The following ESM1 variants were observed in gnomAD, a reference collection of about 807,000 sequenced individuals.
ESM1 encodes the protein endothelial cell specific molecule 1, also known as endothelial cell-specific molecule 1.
ESM1 carries 7 observed loss-of-function variants against 14.9 expected under a neutral mutation model. The ratio of observed to expected loss-of-function variants is 0.47; its 90% CI spans 0.27 to 0.88. The LOEUF (loss-of-function observed/expected upper bound fraction) is 0.88. Ranked by LOEUF, ESM1 falls within the 40% of genes least tolerant of loss-of-function variation. ESM1 has a pLI of 0.14. For missense variants in ESM1, 192 were observed against 237.9 expected (o/e 0.81, Z 1.27); for synonymous variants, 89 against 89.4 (o/e 1.00, Z 0.02).
intron 1 of ESM1, among the ~76,000 whole-genome samples, chr5:54,982,810 G>A (rs915049989): frequency 1.4e-4 from 21 of 152,164 alleles, no homozygotes; most frequent in Non-Finnish European, 2.8e-4. Context: ...AAATGAGCAA[G>A]AAAGCTCAGG....
chr5:54,983,520 C>G (rs568136637), intron 1 of ESM1, among the ~76,000 whole-genome samples: 34 of 152,180 alleles, frequency 2.2e-4, no homozygotes, highest in Non-Finnish European at 3.8e-4. Flanking sequence ...CTGAAGTTTA[C>G]AGTTTTCACG....
chr5:54,982,524 C>G (rs150849338), intron 1 of ESM1, among the ~76,000 whole-genome samples: 366 of 152,280 alleles, frequency 2.4e-3, no homozygotes, highest in Non-Finnish European at 3.9e-3. Context: ...ATATATGCAT[C>G]AGCTCCTCAA....
intron 2 of ESM1, 140 bp downstream of exon 2, chr5:54,981,857 C>T (rs899868627): frequency 7.5e-6 from 6 of 802,058 alleles, no homozygotes; most frequent in Non-Finnish European, 1.1e-5. Context: ...AACTCAGCTA[C>T]CACCCACCGT....
At chr5:54,983,708 T>A (rs1740448267) in intron 1 of ESM1, among the ~76,000 whole-genome samples, 1 of 152,208 alleles carries the variant, frequency 6.6e-6, no homozygotes, top group South Asian at 2.1e-4. Flanking sequence ...CTTTTTAGTA[T>A]CTTGATCATT....
Position 54,979,199 on chromosome 5 carries a change from G to T in ESM1, c.*133C>A. On this transcript the variant is annotated 3_prime_UTR_variant, in exon 3 of 3. Transcript: ENST00000381405. The stretch of plus-strand genomic sequence containing the variant: ...TAAGTATCCTACTTTTTGTTTTCTG[G>T]ATCCACCATGCATCACATTTGGTCT... 11 of 666,450 alleles carry T rather than the reference G, an allele frequency of 1.7e-5. No individual in the cohort carries two copies. The highest frequency in any genetic ancestry group is 2.9e-4 in the Middle Eastern group (1 of 3,390). 41.3% of individuals were successfully genotyped at this position (666,450 alleles called of 1,614,324 possible).
In ESM1 at chr5:54,984,583, C is replaced by T. The variant is rs115382472; in HGVS notation, c.301+634G>A. ...TTATTTTTCTCTATTGTTATTTTTC[C>T]TTGTCTTAACACCATCTGCTATTTT... is the stretch of plus-strand genomic sequence containing the variant. On this transcript the variant is annotated intron_variant, in intron 1 of 2. Transcript: ENST00000381405. 5.8e-3 allele frequency among the ~76,000 whole-genome samples: 888 copies of T among 152,046 alleles called. 3 individuals carry two copies. Among genetic ancestry groups the T allele is most frequent in the African/African-American group, 8.4e-3 (349 of 41,476 alleles).
chr5:54,979,211 A>G lies in ESM1; in HGVS notation c.*121T>C, dbSNP rs536798000. ...TTTTTGTTTTCTGGATCCACCATGC[A>G]TCACATTTGGTCTTCAAAAATTACA... On this transcript the variant is annotated 3_prime_UTR_variant, in exon 3 of 3. Coordinates refer to ENST00000381405, the MANE Select transcript of ESM1 (RefSeq NM_007036.5). 2.8e-6 allele frequency: 2 copies of G among 718,120 alleles called. No individual in the cohort carries two copies. The highest frequency in any genetic ancestry group is 2.5e-5 in the East Asian group (1 of 40,242). The allele number at this position is 718,120 out of a possible 1,614,324, so 44.5% of individuals were successfully genotyped here. A position where few individuals can be genotyped will look rare whatever the true frequency, so the allele number is the denominator to read the frequency against.
Position 54,983,098 on chromosome 5 carries a change from G to A in ESM1, c.302-952C>T, listed in dbSNP as rs557914728. Among the ~76,000 whole-genome samples the A allele has an allele frequency of 5.3e-5, 8 of 152,236 alleles. No individual in the cohort carries two copies. The South Asian group carries it at 1.2e-3, about 24-fold the overall frequency. On this transcript the variant is annotated intron_variant, in intron 1 of 2. Transcript: ENST00000381405. ...CAGGTGGGTAAAGAACAAATTGTGA[G>A]CCATCTGAGTCTCTAGCAGTCTAAT...
rs562388782 is a variant in ESM1, at chr5:54,977,953, C to A, written c.*1379G>T. 3 of 152,146 alleles carry A rather than the reference C, an allele frequency of 2.0e-5. No homozygotes were observed. Among genetic ancestry groups the A allele is most frequent in the African/African-American group, 4.8e-5 (2 of 41,438 alleles). 9.4% of individuals were successfully genotyped at this position (152,146 alleles called of 1,614,324 possible). ...GCTTATGCAGCTTTACATTCAAAGG[C>A]CTTCCCACACACATTCACAACTCTG... On this transcript the variant is annotated 3_prime_UTR_variant, in exon 3 of 3. Transcript: ENST00000381405.
Position 54,979,038 on chromosome 5 carries a change from T to C in ESM1, c.*294A>G. On this transcript the variant is annotated 3_prime_UTR_variant, in exon 3 of 3. Transcript: ENST00000381405. ...TGCCTAGCTCCCTCTTTGGTTGACCTGTCTCCACGTAAGATTACCTAAATT... is the reference window on the plus strand; with the variant it reads ...TGCCTAGCTCCCTCTTTGGTTGACCCGTCTCCACGTAAGATTACCTAAATT... The C allele has an allele frequency of 4.0e-6, 1 of 250,548 alleles. No homozygotes were observed. The highest frequency in any genetic ancestry group is 7.7e-6 in the Non-Finnish European group (1 of 130,190). The allele number at this position is 250,548 out of a possible 1,614,324, so 15.5% of individuals were successfully genotyped here.
intron 1 of ESM1, among the ~76,000 whole-genome samples, chr5:54,982,921 G>A (rs1294852827): frequency 1.3e-5 from 2 of 152,124 alleles, no homozygotes; most frequent in Non-Finnish European, 2.9e-5. Context: ...GAAATAAAGA[G>A]GACAAAGTCG....
intron 1 of ESM1, among the ~76,000 whole-genome samples, chr5:54,983,581 A>C (rs1361545380): frequency 6.6e-6 from 1 of 152,238 alleles, no homozygotes; most frequent in East Asian, 1.9e-4. Context: ...CAAATGTATT[A>C]TCTCTATCTC....
In ESM1 at chr5:54,979,288, A is replaced by G; in HGVS notation, c.*44T>C. On this transcript the variant is annotated 3_prime_UTR_variant, in exon 3 of 3. Coordinates refer to ENST00000381405, the MANE Select transcript of ESM1 (RefSeq NM_007036.5). ...TCCTAAAATGTTGGCTGTGTGTTGA[A>G]CAATCACGAAAATAGAGCCTTCTCT... 7.2e-7 allele frequency: 1 copy of G among 1,396,930 alleles called. No individual in the cohort carries two copies. Among genetic ancestry groups the G allele is most frequent in the Admixed American group, 1.7e-5 (1 of 59,396 alleles). The allele number at this position is 1,396,930 out of a possible 1,614,324, so 86.5% of individuals were successfully genotyped here.
chr5:54,985,189 AG>A (rs754342543), intron 1 of ESM1, 27 bp downstream of exon 1: 5 of 1,558,890 alleles, frequency 3.2e-6, no homozygotes, highest in Non-Finnish European at 4.4e-6. Context: ...ATGCCCCGGG[AG>A]GGGAGAGGTA....
intron 2 of ESM1, among the ~76,000 whole-genome samples, chr5:54,981,174 T>G (rs1744044949): frequency 6.6e-6 from 1 of 152,194 alleles, no homozygotes; most frequent in Admixed American, 6.5e-5. Flanking sequence ...CATTTAAAAT[T>G]TATTATTTTA....
Position 54,985,365 on chromosome 5 carries a change from A to G in ESM1, c.153T>C (p.Cys51=). Residue 51 remains cysteine (C), a synonymous_variant, in exon 1 of 3, where the codon TGT becomes TGC. Coordinates refer to ENST00000381405, the MANE Select transcript of ESM1 (RefSeq NM_007036.5). ...CTGCAGCGCACACTCGGCAGCAGCC[A>G]CAGTCGTCGAGCACTGTCCTCTTGC... ...PRCKRTVLDD[C]GCCRVCAAGR... is the part of the protein sequence containing the mutation. 1 of 1,614,216 alleles carries G rather than the reference A, an allele frequency of 6.2e-7. No homozygotes were observed. The highest frequency in any genetic ancestry group is 2.2e-5 in the East Asian group (1 of 44,880).
Position 54,979,396 on chromosome 5 carries a change from T to G in ESM1, c.491A>C (p.Glu164Ala). ...GGCAGCATTCTCTTTCACAACTTCTTCTCTCACAATATTGCCATCTCCAGA... is the reference window on the plus strand; with the variant it reads ...GGCAGCATTCTCTTTCACAACTTCTGCTCTCACAATATTGCCATCTCCAGA... Reference protein sequence around the residue: ...MASGDGNIVREEVVKENAAGS... With the variant: ...MASGDGNIVRAEVVKENAAGS... Residue 164 changes from glutamate to alanine, a missense_variant, in exon 3 of 3, where the codon GAA becomes GCA. Transcript: ENST00000381405. The G allele has an allele frequency of 6.2e-7, 1 of 1,613,758 alleles. No individual in the cohort carries two copies. The highest frequency in any genetic ancestry group is 1.1e-5 in the South Asian group (1 of 91,058).
chr5:54,980,775 C>T (rs564858735), intron 2 of ESM1, among the ~76,000 whole-genome samples: 41 of 152,174 alleles, frequency 2.7e-4, no homozygotes, highest in African/African-American at 8.4e-4. Context: ...ACGATATTTC[C>T]GCTTCATTTT....
At position 54,985,217 on chromosome 5, in the gene ESM1, C is replaced by T. The variant is rs1190310358; in HGVS notation, c.301G>A (p.Asp101Asn). The change falls in exon 1 of 3, where the codon GAC (aspartate) becomes AAC (asparagine). Residue 101 changes from aspartate to asparagine, a missense_variant and splice_region_variant. Asp to Asn is a conservative substitution (Grantham distance 23). Coordinates refer to ENST00000381405, the MANE Select transcript of ESM1 (RefSeq NM_007036.5). The part of the protein sequence containing the change: ...PFGEEFGICK[D>N]CPYGTFGMDC... ...GGAGAGGTAAGGGGTCACTCTTTAC[C>T]TTTGCAGATACCAAACTCTTCACCA... 1 of 1,607,626 alleles carries T rather than the reference C, an allele frequency of 6.2e-7. No homozygotes were observed.
Sources: gnomAD v4.1 joint callset for allele counts (sites outside exome capture counted in the v4.1 genomes callset) on GRCh38, gnomAD v4.1.1 for gene constraint, MANE v1.5 for transcripts, NCBI Gene and HGNC (gene_info 2026-07-23, HGNC 2026-07-21) for gene names.